The following ABTB3 variants were observed in gnomAD, a reference collection of about 807,000 sequenced individuals.
ABTB3 encodes ankyrin repeat- and BTB/POZ domain-containing protein 3.
the ABTB3 span, chr12:107,618,282 C>T: frequency 1.4e-5 from 22 of 1,613,832 alleles, no homozygotes; most frequent in South Asian, 3.3e-5. Flanking sequence ...GTGCGCCAGC[C>T]GCAACAGCAA....
At chr12:107,602,133 GC>G in the ABTB3 span, among the ~76,000 whole-genome samples, 18 of 152,160 alleles carry the variant, frequency 1.2e-4, no homozygotes, top group African/African-American at 4.1e-4. Context: ...GGTAGGGTAG[GC>G]CCACGGCACC....
chr12:107,612,873 A>G, the ABTB3 span: 1 of 1,613,076 alleles, frequency 6.2e-7, no homozygotes, highest in Non-Finnish European at 8.5e-7. Flanking sequence ...TGTGGAGGTG[A>G]GGGTGCAGAG....
the ABTB3 span, among the ~76,000 whole-genome samples, chr12:107,379,965 T>A: frequency 6.6e-6 from 1 of 152,220 alleles, no homozygotes; most frequent in Non-Finnish European, 1.5e-5. Flanking sequence ...CTGGCTGCAG[T>A]TCAGAAGGAA....
the ABTB3 span, among the ~76,000 whole-genome samples, chr12:107,360,078 T>C: frequency 4.6e-5 from 7 of 152,216 alleles, no homozygotes; most frequent in Non-Finnish European, 1.0e-4. Flanking sequence ...AAGAGATAGT[T>C]CCTGCTCTCA....
At chr12:107,550,472 A>G in the ABTB3 span, among the ~76,000 whole-genome samples, 1 of 150,216 alleles carries the variant, frequency 6.7e-6, no homozygotes, top group Non-Finnish European at 1.5e-5. Flanking sequence ...ACACAGTAAC[A>G]TCATCGGTGG....
chr12:107,434,496 G>A, the ABTB3 span, among the ~76,000 whole-genome samples: 900 of 152,288 alleles, frequency 5.9e-3, 12 homozygotes, highest in African/African-American at 0.021. Context: ...ATGCTCCATC[G>A]AAATAGTGAA....
chr12:107,320,680 A>G, the ABTB3 span: 24 of 455,958 alleles, frequency 5.3e-5, no homozygotes, highest in Non-Finnish European at 9.3e-5. Context: ...GTCGGTGCCA[A>G]GTTTTTCCAG....
chr12:107,348,295 A>G, the ABTB3 span, among the ~76,000 whole-genome samples: 26 of 152,136 alleles, frequency 1.7e-4, no homozygotes, highest in African/African-American at 6.0e-4. Flanking sequence ...ACACACACAC[A>G]CGCACACACA....
chr12:107,464,603 G>C, the ABTB3 span, among the ~76,000 whole-genome samples: 1 of 152,138 alleles, frequency 6.6e-6, no homozygotes, highest in Admixed American at 6.5e-5. Context: ...GAGCCACTGG[G>C]CCTGGCCAAT....
At chr12:107,561,314 C>G in the ABTB3 span, among the ~76,000 whole-genome samples, 1 of 152,188 alleles carries the variant, frequency 6.6e-6, no homozygotes, top group Non-Finnish European at 1.5e-5. Context: ...TGAGCATCCA[C>G]TGCCTCTAAA....
chr12:107,644,398 C>T, the ABTB3 span, among the ~76,000 whole-genome samples: 1 of 152,164 alleles, frequency 6.6e-6, no homozygotes. Flanking sequence ...GGGGCCCAGG[C>T]ATCAGCATTT....
At chr12:107,618,510 A>C in the ABTB3 span, 1 of 773,208 alleles carries the variant, frequency 1.3e-6, no homozygotes, top group East Asian at 2.8e-5. Flanking sequence ...GCACACACAC[A>C]CAAGGGGACC....
the ABTB3 span, among the ~76,000 whole-genome samples, chr12:107,567,274 C>A: frequency 4.6e-5 from 7 of 152,240 alleles, no homozygotes; most frequent in Admixed American, 3.3e-4. Context: ...GGAATCATGA[C>A]CTTTCTACAA....
the ABTB3 span, among the ~76,000 whole-genome samples, chr12:107,504,230 G>T: frequency 6.6e-6 from 1 of 152,294 alleles, no homozygotes; most frequent in Non-Finnish European, 1.5e-5. Context: ...GATGGATTGT[G>T]GAAGGCCTAT....
chr12:107,488,470 A>C, the ABTB3 span, among the ~76,000 whole-genome samples: 5 of 152,122 alleles, frequency 3.3e-5, no homozygotes, highest in Admixed American at 3.3e-4. Context: ...GGAGTGACCA[A>C]GAAATGCTTG....
the ABTB3 span, among the ~76,000 whole-genome samples, chr12:107,352,521 C>A: frequency 6.6e-6 from 1 of 152,042 alleles, no homozygotes; most frequent in South Asian, 2.1e-4. Context: ...GCTGTGCTAG[C>A]TGTTACCCAG....
At chr12:107,487,226 T>C in the ABTB3 span, among the ~76,000 whole-genome samples, 42 of 152,266 alleles carry the variant, frequency 2.8e-4, no homozygotes, top group African/African-American at 9.1e-4. Flanking sequence ...CTGTTCATCA[T>C]TGGGTCCTCA....
chr12:107,396,721 A>C, the ABTB3 span, among the ~76,000 whole-genome samples: 1 of 152,120 alleles, frequency 6.6e-6, no homozygotes, highest in Non-Finnish European at 1.5e-5. Context: ...TCATATTTGC[A>C]TGATTCTCTC....
At chr12:107,501,811 G>A in the ABTB3 span, among the ~76,000 whole-genome samples, 8,326 of 152,208 alleles carry the variant, frequency 0.055, 298 homozygotes, top group Non-Finnish European at 0.065. Flanking sequence ...CCATAGGTGG[G>A]GAAACACCAC....
Sources: gnomAD v4.1 joint callset for allele counts (sites outside exome capture counted in the v4.1 genomes callset) on GRCh38, gnomAD v4.1.1 for gene constraint, MANE v1.5 for transcripts, NCBI Gene and HGNC (gene_info 2026-07-23, HGNC 2026-07-21) for gene names.